Variants in ANKS1B observed in about 807,000 individuals in gnomAD.
ANKS1B encodes ankyrin repeat and sterile alpha motif domain containing 1B, also known as ankyrin repeat and sterile alpha motif domain-containing protein 1B.
Under a neutral mutation model 148.3 loss-of-function variants are expected in ANKS1B, and 36 were observed. That is an observed-to-expected ratio of 0.24 (90% confidence interval 0.19 to 0.32). ANKS1B has a LOEUF of 0.32. Ranked by LOEUF, ANKS1B falls within the 10% of genes least tolerant of loss-of-function variation. The pLI is 1.00. For missense variants in ANKS1B, 1,157 were observed against 1,542.6 expected, an observed-to-expected ratio of 0.75 and a Z score of 4.19; for synonymous variants, 542 against 560.8, an observed-to-expected ratio of 0.97 and a Z score of 0.47.
chr12:99,822,851 T>C (rs898766578), intron 2 of ANKS1B, among the ~76,000 whole-genome samples: 2 of 152,218 alleles, frequency 1.3e-5, no homozygotes, highest in Admixed American at 1.3e-4. Flanking sequence ...TTAAGTTCTT[T>C]GAGAAATCTC....
chr12:99,131,745 T>C, intron 15 of ANKS1B, among the ~76,000 whole-genome samples: 1 of 152,160 alleles, frequency 6.6e-6, no homozygotes, highest in East Asian at 1.9e-4. Flanking sequence ...CTTAGCTACA[T>C]AAAGTTAACT....
At chr12:99,672,618 T>A (rs1341329069) in intron 8 of ANKS1B, among the ~76,000 whole-genome samples, 2 of 152,110 alleles carry the variant, frequency 1.3e-5, no homozygotes, top group Non-Finnish European at 2.9e-5. Context: ...GTTCCTGTGA[T>A]GTTGGTCAAG....
intron 14 of ANKS1B, among the ~76,000 whole-genome samples, chr12:99,186,676 C>T (rs1234157500): frequency 6.6e-6 from 1 of 152,130 alleles, no homozygotes; most frequent in Non-Finnish European, 1.5e-5. Context: ...AACTAACAAA[C>T]AGAAAGGAAT....
chr12:99,844,509 T>C (rs569424298), intron 1 of ANKS1B, among the ~76,000 whole-genome samples: 26 of 152,198 alleles, frequency 1.7e-4, no homozygotes, highest in African/African-American at 4.8e-4. Flanking sequence ...CCTTCCCCCA[T>C]TGCTTTTGTC....
chr12:98,951,311 T>C (rs931674205), intron 17 of ANKS1B, among the ~76,000 whole-genome samples: 1 of 152,238 alleles, frequency 6.6e-6, no homozygotes, highest in Non-Finnish European at 1.5e-5. Flanking sequence ...TCTATGTTTC[T>C]ATTAAAATTA....
chr12:99,907,244 T>C (rs2093816924), intron 1 of ANKS1B, among the ~76,000 whole-genome samples: 1 of 152,182 alleles, frequency 6.6e-6, no homozygotes, highest in South Asian at 2.1e-4. Context: ...TGTGTTTAAT[T>C]TCCCCCAGGC....
chr12:99,066,559 G>C (rs973851190), intron 16 of ANKS1B, among the ~76,000 whole-genome samples: 6 of 152,166 alleles, frequency 3.9e-5, no homozygotes, highest in African/African-American at 7.2e-5. Flanking sequence ...CAATCTGAGG[G>C]AAATGGGGAG....
At chr12:98,844,067 CA>C (rs1375102196) in intron 17 of ANKS1B, among the ~76,000 whole-genome samples, 1 of 152,098 alleles carries the variant, frequency 6.6e-6, no homozygotes, top group Non-Finnish European at 1.5e-5. Flanking sequence ...ATTAAATCCA[CA>C]CCACCGAGGC....
chr12:98,939,880 T>C (rs1438421196), intron 17 of ANKS1B, among the ~76,000 whole-genome samples: 2 of 152,252 alleles, frequency 1.3e-5, no homozygotes, highest in African/African-American at 2.4e-5. Context: ...TTGACTTCAG[T>C]ACTACTGACT....
At chr12:99,748,228 C>T (rs926208858) in intron 8 of ANKS1B, among the ~76,000 whole-genome samples, 2 of 151,962 alleles carry the variant, frequency 1.3e-5, no homozygotes, top group Admixed American at 1.3e-4. Flanking sequence ...ACCATGAACA[C>T]CAAGATAATG....
At chr12:98,956,709 TA>T (rs2099862773) in intron 17 of ANKS1B, among the ~76,000 whole-genome samples, 1 of 152,158 alleles carries the variant, frequency 6.6e-6, no homozygotes, top group Admixed American at 6.5e-5. Context: ...AAGCCTGAAA[TA>T]AACCTGGTTG....
At chr12:99,059,090 T>C (rs1473661970) in intron 16 of ANKS1B, among the ~76,000 whole-genome samples, 1 of 152,244 alleles carries the variant, frequency 6.6e-6, no homozygotes, top group Non-Finnish European at 1.5e-5. Context: ...TGTGTGAATC[T>C]TTCTCTAATG....
intron 17 of ANKS1B, among the ~76,000 whole-genome samples, chr12:98,934,528 A>G (rs1048461884): frequency 6.6e-6 from 1 of 152,124 alleles, no homozygotes; most frequent in Non-Finnish European, 1.5e-5. Flanking sequence ...TTTGATAGGA[A>G]TTGCATTTAA....
chr12:98,866,753 A>T (rs1164548398), intron 17 of ANKS1B, among the ~76,000 whole-genome samples: 1 of 152,046 alleles, frequency 6.6e-6, no homozygotes, highest in Middle Eastern at 3.4e-3. Flanking sequence ...CCTATACAAC[A>T]TTGCTTCCTG....
intron 9 of ANKS1B, among the ~76,000 whole-genome samples, chr12:99,512,238 G>A (rs954464759): frequency 9.2e-5 from 14 of 151,796 alleles, no homozygotes; most frequent in Non-Finnish European, 1.3e-4. Context: ...ATTAAGAAGC[G>A]GGCAAAGGAC....
At chr12:99,875,248 T>A (rs1341647426) in intron 1 of ANKS1B, among the ~76,000 whole-genome samples, 3 of 152,284 alleles carry the variant, frequency 2.0e-5, no homozygotes, top group African/African-American at 7.2e-5. Flanking sequence ...ACATTTAAAT[T>A]GCATTTCAAA....
intron 15 of ANKS1B, among the ~76,000 whole-genome samples, chr12:99,098,822 T>C (rs180738846): frequency 4.5e-4 from 68 of 151,298 alleles, no homozygotes; most frequent in Non-Finnish European, 7.2e-4. Context: ...AGTCACTTGA[T>C]CTGGCATCCC....
At chr12:98,844,948 A>G (rs2099440993) in intron 17 of ANKS1B, among the ~76,000 whole-genome samples, 1 of 152,244 alleles carries the variant, frequency 6.6e-6, no homozygotes, top group African/African-American at 2.4e-5. Context: ...AAAAGATGCA[A>G]TTTAACAGGG....
At chr12:99,817,934 AT>A (rs1446733181) in intron 2 of ANKS1B, among the ~76,000 whole-genome samples, 1 of 151,710 alleles carries the variant, frequency 6.6e-6, no homozygotes, top group Admixed American at 6.6e-5. Context: ...GTCTGCAAAT[AT>A]TTTTTTCCCA....
Sources: gnomAD v4.1 joint callset for allele counts (sites outside exome capture counted in the v4.1 genomes callset) on GRCh38, gnomAD v4.1.1 for gene constraint, MANE v1.5 for transcripts, NCBI Gene and HGNC (gene_info 2026-07-23, HGNC 2026-07-21) for gene names.